LRP12: variants seen among roughly 807,000 people sequenced by gnomAD.
LRP12 encodes the protein LDL receptor related protein 12.
In LRP12, 14 loss-of-function variants were observed where a neutral mutation model predicts 66.0. That is an observed-to-expected ratio of 0.21 (90% CI 0.14 to 0.33). The LOEUF (loss-of-function observed/expected upper bound fraction) is 0.33, where lower values mean the gene tolerates loss of function less well. LRP12 is among the 10% of genes least tolerant of loss of function. The pLI is 1.00. For synonymous variants in LRP12, 357 were observed against 359.1 expected (o/e 0.99, Z 0.07); for missense variants, 889 against 1,053.4 (o/e 0.84, Z 2.16).
At chr8:104,513,823 T>G (rs1811033327) in intron 2 of LRP12, among the ~76,000 whole-genome samples, 1 of 152,200 alleles carries the variant, frequency 6.6e-6, no homozygotes, top group Admixed American at 6.5e-5. Flanking sequence ...ATGGAAGATT[T>G]CATCCACTTT....
chr8:104,509,453 C>T (rs76073486), intron 2 of LRP12, among the ~76,000 whole-genome samples: 4,670 of 152,274 alleles, frequency 0.031, 240 homozygotes, highest in African/African-American at 0.11. Context: ...CTGTCCCTCC[C>T]GGGACATGAA....
intron 6 of LRP12, among the ~76,000 whole-genome samples, chr8:104,493,891 C>A (rs1810679178): frequency 6.6e-6 from 1 of 152,192 alleles, no homozygotes; most frequent in African/African-American, 2.4e-5. Flanking sequence ...TCCTATGCAT[C>A]TTTTCCCTTG....
At chr8:104,516,930 T>A (rs1811078708) in intron 2 of LRP12, among the ~76,000 whole-genome samples, 1 of 152,028 alleles carries the variant, frequency 6.6e-6, no homozygotes, top group African/African-American at 2.4e-5. Flanking sequence ...TTTTTAAAAC[T>A]GACAAGAGTT....
In LRP12 at chr8:104,588,925, G is replaced by A. The variant is rs1385928494; in HGVS notation, c.-28C>T. On this transcript the variant is annotated 5_prime_UTR_variant, in exon 1 of 7. Coordinates refer to ENST00000276654, the MANE Select transcript of LRP12 (RefSeq NM_013437.5). Reference sequence around the variant, plus strand: ...CCACAGCAGATGGAGAGAGAGAGGAGGAGACGGAGGAGGAGGGAGGAGAAG... The same window carrying A: ...CCACAGCAGATGGAGAGAGAGAGGAAGAGACGGAGGAGGAGGGAGGAGAAG... 4.5e-6 allele frequency: 7 copies of A among 1,546,872 alleles called. No individual in the cohort carries two copies. In the South Asian group the frequency reaches 4.7e-5, roughly 10 times the overall value.
chr8:104,496,352 A>G (rs1207566649), intron 5 of LRP12, among the ~76,000 whole-genome samples: 1 of 152,058 alleles, frequency 6.6e-6, no homozygotes, highest in Non-Finnish European at 1.5e-5. Flanking sequence ...CTACTTCTAT[A>G]TATTTTCCTA....
intron 1 of LRP12, among the ~76,000 whole-genome samples, chr8:104,574,058 A>C (rs978496647): frequency 2.6e-5 from 4 of 152,172 alleles, no homozygotes; most frequent in Non-Finnish European, 5.9e-5. Flanking sequence ...TCATTTATTC[A>C]ACAAGTATTG....
intron 3 of LRP12, among the ~76,000 whole-genome samples, chr8:104,501,360 T>C (rs1240213771): frequency 3.3e-5 from 5 of 152,134 alleles, no homozygotes; most frequent in Non-Finnish European, 7.3e-5. Flanking sequence ...GTGAAGTATC[T>C]GTTCATGTCT....
At chr8:104,561,318 T>G (rs79695271) in intron 1 of LRP12, among the ~76,000 whole-genome samples, 2 of 152,250 alleles carry the variant, frequency 1.3e-5, no homozygotes, top group African/African-American at 4.8e-5. Flanking sequence ...GAAGAAGACA[T>G]ACACTGTCTC....
At chr8:104,573,488 G>T (rs1466733170) in intron 1 of LRP12, among the ~76,000 whole-genome samples, 2 of 152,030 alleles carry the variant, frequency 1.3e-5, no homozygotes, top group Non-Finnish European at 2.9e-5. Context: ...TCCTATAGCT[G>T]ATGCGTAAGA....
In LRP12 at chr8:104,533,823, A is replaced by G. The variant is rs913059419; in HGVS notation, c.80-1860T>C. ...GTACTATCACACCCAGTTTAGATAT[A>G]TTTTAAACATGAAATCTTTTTTCCA... On this transcript the variant is annotated intron_variant, in intron 1 of 6. Coordinates refer to ENST00000276654, the MANE Select transcript of LRP12 (RefSeq NM_013437.5). Among the ~76,000 whole-genome samples the G allele has an allele frequency of 1.3e-4, 20 of 152,126 alleles. No homozygotes were observed. The South Asian group carries it at 1.7e-3, about 13-fold the overall frequency.
At chr8:104,578,069 C>A (rs867463258) in intron 1 of LRP12, among the ~76,000 whole-genome samples, 10 of 150,930 alleles carry the variant, frequency 6.6e-5, no homozygotes, top group African/African-American at 2.4e-4. Context: ...CTGAAGGAGA[C>A]TGAGATGCAA....
In LRP12 at chr8:104,499,352, ATGT is replaced by A; in HGVS notation, c.437_439del (p.Asn146del). ...TGCCAGTCTGAAACCCTTTCTAGAGATGTTGTCATCCGAATGAAACCTAATCCA... is the reference window on the plus strand; with the variant it reads ...TGCCAGTCTGAAACCCTTTCTAGAGATGTCATCCGAATGAAACCTAATCCA... On this transcript the variant is annotated inframe_deletion, in exon 4 of 7. Coordinates refer to ENST00000276654, the MANE Select transcript of LRP12 (RefSeq NM_013437.5). 4 of 1,613,568 alleles carry A rather than the reference ATGT, an allele frequency of 2.5e-6. No homozygotes were observed. Among genetic ancestry groups the A allele is most frequent in the Non-Finnish European group, 3.4e-6 (4 of 1,179,810 alleles).
intron 1 of LRP12, among the ~76,000 whole-genome samples, chr8:104,543,178 T>C (rs1811504721): frequency 6.6e-6 from 1 of 152,036 alleles, no homozygotes; most frequent in African/African-American, 2.4e-5. Context: ...ACTTTGCAGA[T>C]ACAGTGTTGT....
intron 1 of LRP12, among the ~76,000 whole-genome samples, chr8:104,534,959 A>C (rs1811373972): frequency 6.6e-6 from 1 of 151,532 alleles, no homozygotes; most frequent in Non-Finnish European, 1.5e-5. Flanking sequence ...TCTTACTATG[A>C]CTAGTGTTCA....
chr8:104,588,973 C>CCGCCGCCGA lies in LRP12; in HGVS notation c.-77_-76insTCGGCGGCG. 1.7e-6 allele frequency: 1 copy of CCGCCGCCGA among 583,286 alleles called. No individual in the cohort carries two copies. Among genetic ancestry groups the CCGCCGCCGA allele is most frequent in the Non-Finnish European group, 2.7e-6 (1 of 375,280 alleles). 36.1% of individuals were successfully genotyped at this position (583,286 alleles called of 1,614,324 possible). On this transcript the variant is annotated 5_prime_UTR_variant, in exon 1 of 7. Transcript: ENST00000276654. ...AAGCTGGAGGTAGACGACGCCGACG[C>CCGCCGCCGA]CGCCGCCGCCGCCGCCGCCGCCGCC...
At chr8:104,521,510 CT>C (rs1811151452) in intron 2 of LRP12, among the ~76,000 whole-genome samples, 1 of 151,206 alleles carries the variant, frequency 6.6e-6, no homozygotes, top group Non-Finnish European at 1.5e-5. Flanking sequence ...ATTTCCAAAA[CT>C]TAAAGGGAGT....
chr8:104,551,355 G>C (rs1156787623), intron 1 of LRP12, among the ~76,000 whole-genome samples: 1 of 151,946 alleles, frequency 6.6e-6, no homozygotes, highest in African/African-American at 2.4e-5. Context: ...CATATTTTGG[G>C]GTTATCAATA....
Position 104,498,028 on chromosome 8 carries a change from T to C in LRP12, c.524A>G (p.Asn175Ser). The change falls in exon 5 of 7, where the codon AAT becomes AGT. Residue 175 changes from asparagine (N) to serine (S), a missense_variant. By Grantham distance (46) the Asn-to-Ser change is conservative. Coordinates refer to ENST00000276654, the MANE Select transcript of LRP12 (RefSeq NM_013437.5). ...NCACDQFRCG[N>S]GKCIPEAWKC... The stretch of plus-strand genomic sequence containing the variant: ...CCAGGCTTCTGGTATACACTTTCCA[T>C]TACCACAACGAAACTGATCACAAGC... 1.2e-6 allele frequency: 2 copies of C among 1,612,436 alleles called. No individual in the cohort carries two copies. Among genetic ancestry groups the C allele is most frequent in the Non-Finnish European group, 1.7e-6 (2 of 1,179,144 alleles).
intron 2 of LRP12, among the ~76,000 whole-genome samples, chr8:104,526,964 A>C (rs1414270591): frequency 6.7e-6 from 1 of 148,458 alleles, no homozygotes; most frequent in Non-Finnish European, 1.5e-5. Context: ...CAGAATCTAC[A>C]ATGAACTCAA....
Sources: allele counts gnomAD v4.1 joint callset (sites outside exome capture counted in the v4.1 genomes callset), GRCh38; gene constraint gnomAD v4.1.1; transcripts MANE v1.5; gene names NCBI Gene and HGNC (gene_info 2026-07-23, HGNC 2026-07-21).